The following BCKDHB variants were observed in gnomAD, a reference collection of about 807,000 sequenced individuals.
The protein encoded by BCKDHB is branched chain keto acid dehydrogenase E1 subunit beta, also known as 2-oxoisovalerate dehydrogenase subunit beta, mitochondrial.
In BCKDHB, 41 loss-of-function variants were observed where a neutral mutation model predicts 48.5. That is an observed-to-expected ratio of 0.85 (90% CI 0.66 to 1.10). The LOEUF is 1.10. BCKDHB is among the 50% of genes least tolerant of loss of function. The pLI, the probability that BCKDHB is intolerant of heterozygous loss-of-function variation, is 0.00. For synonymous variants in BCKDHB, 201 were observed against 174.8 expected (o/e 1.15, Z -1.18); for missense variants, 496 against 494.2 (o/e 1.00, Z -0.03).
intron 8 of BCKDHB, among the ~76,000 whole-genome samples, chr6:80,212,468 AC>A (rs1774983513): frequency 6.6e-6 from 1 of 152,078 alleles, no homozygotes; most frequent in Non-Finnish European, 1.5e-5. Flanking sequence ...AGGTGGTCAG[AC>A]CTTATGGTTG....
intron 9 of BCKDHB, among the ~76,000 whole-genome samples, chr6:80,297,862 C>T (rs1767337393): frequency 6.6e-6 from 1 of 152,054 alleles, no homozygotes; most frequent in Non-Finnish European, 1.5e-5. Context: ...TTTCTGATGC[C>T]CCCAGTGTCA....
At chr6:80,169,833 A>T in intron 5 of BCKDHB, 1 of 1,608,846 alleles carries the variant, frequency 6.2e-7, no homozygotes, top group Non-Finnish European at 8.5e-7. Flanking sequence ...AGCTTATCTT[A>T]GTTGAGTAGA....
chr6:80,370,210 AAAAG>A, the BCKDHB span, among the ~76,000 whole-genome samples: 2 of 152,192 alleles, frequency 1.3e-5, no homozygotes, highest in Non-Finnish European at 2.9e-5. Flanking sequence ...TCCAGTTAAA[AAAAG>A]AGGTTAGAAG....
the BCKDHB span, among the ~76,000 whole-genome samples, chr6:80,419,880 A>G: frequency 2.0e-5 from 3 of 152,090 alleles, no homozygotes; most frequent in Non-Finnish European, 2.9e-5. Context: ...CAAATGATCT[A>G]TCTTTGAATA....
intron 9 of BCKDHB, among the ~76,000 whole-genome samples, chr6:80,337,562 T>G (rs947624148): frequency 3.3e-5 from 5 of 151,838 alleles, no homozygotes; most frequent in African/African-American, 1.2e-4. Context: ...AGCTCCATGA[T>G]CGCTATATGT....
At chr6:80,458,574 T>G in the BCKDHB span, among the ~76,000 whole-genome samples, 1 of 152,178 alleles carries the variant, frequency 6.6e-6, no homozygotes, top group East Asian at 1.9e-4. Flanking sequence ...CCACTTAACC[T>G]CTTTAAGCCT....
chr6:80,210,130 A>AT (rs1491558302), intron 8 of BCKDHB, among the ~76,000 whole-genome samples: 19 of 116,076 alleles, frequency 1.6e-4, no homozygotes, highest in South Asian at 3.7e-4. Flanking sequence ...ATGTGAAGAA[A>AT]TATACAAAAA....
intron 9 of BCKDHB, among the ~76,000 whole-genome samples, chr6:80,304,524 A>T (rs1767753985): frequency 6.6e-6 from 1 of 152,138 alleles, no homozygotes; most frequent in Non-Finnish European, 1.5e-5. Flanking sequence ...TTTTATTGGT[A>T]AGTTTTACTG....
At chr6:80,363,558 T>C in the BCKDHB span, among the ~76,000 whole-genome samples, 1 of 152,192 alleles carries the variant, frequency 6.6e-6, no homozygotes, top group Non-Finnish European at 1.5e-5. Flanking sequence ...TTTCTATGAT[T>C]TTGTATAGAA....
chr6:80,313,954 T>C (rs1768302658), intron 9 of BCKDHB, among the ~76,000 whole-genome samples: 1 of 152,182 alleles, frequency 6.6e-6, no homozygotes, highest in Admixed American at 6.5e-5. Context: ...ATCCCAGAGA[T>C]TGTGGTGCTT....
In BCKDHB at chr6:80,223,866, G is replaced by T. The variant is rs187432106; in HGVS notation, c.951+20654G>T. 2.2e-3 allele frequency among the ~76,000 whole-genome samples: 332 copies of T among 152,288 alleles called. 3 individuals are homozygous for T. Among genetic ancestry groups the T allele is most frequent in the Middle Eastern group, 0.01 (3 of 292 alleles). On this transcript the variant is annotated intron_variant, in intron 8 of 9. Transcript: ENST00000320393. Reference sequence around the variant, plus strand: ...GCTTGGGCTGGTGGTGCCAAAGGGTGGAGGGGGATTGACTAATCTGTTAAA... The same window carrying T: ...GCTTGGGCTGGTGGTGCCAAAGGGTTGAGGGGGATTGACTAATCTGTTAAA...
intron 1 of BCKDHB, among the ~76,000 whole-genome samples, chr6:80,115,034 G>C (rs1041258228): frequency 6.6e-6 from 1 of 152,180 alleles, no homozygotes; most frequent in Admixed American, 6.5e-5. Flanking sequence ...GTCTTTAGTT[G>C]ACCCTTCCTC....
intron 9 of BCKDHB, among the ~76,000 whole-genome samples, chr6:80,293,385 A>G (rs946634133): frequency 2.6e-5 from 4 of 152,162 alleles, no homozygotes; most frequent in African/African-American, 9.7e-5. Flanking sequence ...TGAGGCTTGC[A>G]CCCTCTAAAG....
At chr6:80,134,755 A>G (rs770938347) in intron 3 of BCKDHB, among the ~76,000 whole-genome samples, 1 of 150,938 alleles carries the variant, frequency 6.6e-6, no homozygotes, top group Non-Finnish European at 1.5e-5. Context: ...TTATTTATTT[A>G]TTTATTTATT....
chr6:80,416,219 C>T, the BCKDHB span, among the ~76,000 whole-genome samples: 13,932 of 149,908 alleles, frequency 0.093, 704 homozygotes, highest in Non-Finnish European at 0.11. Flanking sequence ...AAAACCAGTC[C>T]CTGGATTTAT....
At chr6:80,370,311 C>A in the BCKDHB span, among the ~76,000 whole-genome samples, 1 of 152,140 alleles carries the variant, frequency 6.6e-6, no homozygotes, top group African/African-American at 2.4e-5. Context: ...CAAGAGAGGG[C>A]ATCCATCTAT....
chr6:80,353,698 C>T, the BCKDHB span, among the ~76,000 whole-genome samples: 8 of 151,990 alleles, frequency 5.3e-5, no homozygotes, highest in Non-Finnish European at 1.2e-4. Flanking sequence ...ACTAAAAATA[C>T]AAAAATTAGC....
the BCKDHB span, among the ~76,000 whole-genome samples, chr6:80,413,789 G>A: frequency 1.3e-5 from 2 of 152,156 alleles, no homozygotes; most frequent in Non-Finnish European, 2.9e-5. Flanking sequence ...TGGTAGAACA[G>A]TTTATATTCC....
At chr6:80,213,627 A>G (rs1276264663) in intron 8 of BCKDHB, among the ~76,000 whole-genome samples, 2 of 150,162 alleles carry the variant, frequency 1.3e-5, no homozygotes, top group African/African-American at 4.9e-5. Context: ...GCCCAAAGCA[A>G]TCTCCTACCT....
Sources: allele counts gnomAD v4.1 joint callset (sites outside exome capture counted in the v4.1 genomes callset), GRCh38; gene constraint gnomAD v4.1.1; transcripts MANE v1.5; gene names NCBI Gene and HGNC (gene_info 2026-07-23, HGNC 2026-07-21).